The following FANCA variants were observed in gnomAD, a reference collection of about 807,000 sequenced individuals.
The protein encoded by FANCA is Fanconi anemia group A protein.
Under a neutral mutation model 194.3 loss-of-function variants are expected in FANCA, and 236 were observed. The observed-to-expected ratio is 1.21, with a 90% CI of 1.09 to 1.35. The LOEUF (loss-of-function observed/expected upper bound fraction) is 1.35, where lower values mean the gene tolerates loss of function less well. Among genes scored for constraint, FANCA ranks in the 40% most tolerant of loss-of-function variants. The probability of loss-of-function intolerance (pLI) is 0.00; values close to 1 mark genes in which losing one functional copy is unlikely to be tolerated. For missense variants in FANCA, 2,628 were observed against 1,813.9 expected (o/e 1.45, Z -8.15); for synonymous variants, 1,014 against 715.8 (o/e 1.42, Z -6.65).
chr16:89,764,944 G>C lies in FANCA; in HGVS notation c.2724C>G (p.Leu908=). 1 of 1,614,240 alleles carries C rather than the reference G, an allele frequency of 6.2e-7. No homozygotes were observed. The highest frequency in any genetic ancestry group is 8.5e-7 in the Non-Finnish European group (1 of 1,180,032). ...LPSADWQRAA[L]SLWTHRTFRE... ...GGAAGGTTCTGTGTGTCCAGAGAGA[G>C]AGGGCAGCTCTCTGCCAGTCTGCAG... Residue 908 remains leucine, a synonymous_variant, in exon 28 of 43, where the codon CTC becomes CTG. Transcript: ENST00000389301.
At chr16:89,804,173 C>T (rs1028455293) in intron 7 of FANCA, among the ~76,000 whole-genome samples, 1 of 152,144 alleles carries the variant, frequency 6.6e-6, no homozygotes, top group African/African-American at 2.4e-5. Flanking sequence ...TGCTAAGTCG[C>T]TCATGCCACC....
chr16:89,815,609 G>C (rs1329045500), intron 2 of FANCA, among the ~76,000 whole-genome samples: 1 of 152,092 alleles, frequency 6.6e-6, no homozygotes, highest in Admixed American at 6.6e-5. Flanking sequence ...ACCCGCCTTG[G>C]CCTCCCCAAA....
rs1321089557 is a variant in FANCA at position 89,773,266 on chromosome 16, C to T, written c.2014+5G>A. The T allele has an allele frequency of 5.2e-6, 8 of 1,547,706 alleles. No homozygotes were observed. Among genetic ancestry groups the T allele is most frequent in the Non-Finnish European group, 6.1e-6 (7 of 1,144,184 alleles). On this transcript the variant is annotated splice_donor_5th_base_variant and intron_variant, in intron 22 of 42. Coordinates refer to ENST00000389301, the MANE Select transcript of FANCA (RefSeq NM_000135.4). ...GACACAGCATGAGCTCCCATCCATC[C>T]TCACCATCACGCTGGCTGGGGTCTG...
At position 89,770,007 on chromosome 16, in the gene FANCA, G is replaced by A. The variant is rs1308389715; in HGVS notation, c.2334C>T (p.Ala778=). ...LLRHQGPSLS[A]PHVLGLAALA... ...GGGCAGCCAACCCCAGCACATGTGG[G>A]GCACTCAGGCTCGGGCCCTGCAACG... The change falls in exon 26 of 43, where the codon GCC becomes GCT. Residue 778 remains alanine, a synonymous_variant. Coordinates refer to ENST00000389301, the MANE Select transcript of FANCA (RefSeq NM_000135.4). 1 of 1,613,754 alleles carries A rather than the reference G, an allele frequency of 6.2e-7. No individual in the cohort carries two copies.
intron 33 of FANCA, 120 bp downstream of exon 33, chr16:89,748,539 G>A: frequency 2.4e-6 from 2 of 830,216 alleles, no homozygotes; most frequent in Non-Finnish European, 4.0e-6. Context: ...TTCCCTATTT[G>A]ACTTTGAACC....
At chr16:89,756,892 T>C (rs972260888) in intron 30 of FANCA, among the ~76,000 whole-genome samples, 2 of 152,206 alleles carry the variant, frequency 1.3e-5, no homozygotes, top group Admixed American at 6.5e-5. Flanking sequence ...GCAGGGCTTC[T>C]ATACCACAGG....
At chr16:89,807,728 C>A (rs984133730) in intron 6 of FANCA, among the ~76,000 whole-genome samples, 1 of 151,954 alleles carries the variant, frequency 6.6e-6, no homozygotes, top group African/African-American at 2.4e-5. Context: ...ACTAAAAATA[C>A]AAAAATTAGC....
intron 6 of FANCA, 73 bp from the exon 7 acceptor site, chr16:89,805,465 G>C: frequency 7.9e-7 from 1 of 1,261,210 alleles, no homozygotes; most frequent in Admixed American, 1.9e-5. Context: ...TGAGCCATAT[G>C]TCCCAATTTT....
At chr16:89,768,440 G>C (rs1046853105) in intron 26 of FANCA, among the ~76,000 whole-genome samples, 2 of 152,152 alleles carry the variant, frequency 1.3e-5, no homozygotes, top group Non-Finnish European at 2.9e-5. Context: ...CAGATCACTT[G>C]AGGTCAGGAG....
At chr16:89,758,119 A>C (rs1210777328) in intron 30 of FANCA, among the ~76,000 whole-genome samples, 1 of 152,150 alleles carries the variant, frequency 6.6e-6, no homozygotes, top group Non-Finnish European at 1.5e-5. Context: ...AGCCTCCCGA[A>C]GTGCTGGGAT....
intron 26 of FANCA, among the ~76,000 whole-genome samples, chr16:89,767,667 G>T (rs1384604531): frequency 6.6e-6 from 1 of 152,170 alleles, no homozygotes; most frequent in Non-Finnish European, 1.5e-5. Context: ...TCCTGCCTCA[G>T]TCTCCCGAGT....
intron 30 of FANCA, among the ~76,000 whole-genome samples, chr16:89,757,356 C>G (rs1387194809): frequency 6.6e-6 from 1 of 152,130 alleles, no homozygotes; most frequent in Non-Finnish European, 1.5e-5. Flanking sequence ...CAAGAAGTCA[C>G]CCACGATGGA....
At chr16:89,772,725 G>A (rs538694752) in intron 22 of FANCA, among the ~76,000 whole-genome samples, 2 of 150,140 alleles carry the variant, frequency 1.3e-5, no homozygotes, top group South Asian at 2.1e-4. Context: ...AGGCTGAGGC[G>A]GGAGAATTGC....
At chr16:89,739,708 G>C (rs2062076970) in intron 39 of FANCA, 155 bp from the exon 40 acceptor site, 1 of 1,504,784 alleles carries the variant, frequency 6.6e-7, no homozygotes, top group Admixed American at 2.0e-5. Flanking sequence ...CCAGGTACCT[G>C]TCAGCAGCTG....
chr16:89,772,449 T>G (rs2039357602), intron 22 of FANCA, among the ~76,000 whole-genome samples: 1 of 152,196 alleles, frequency 6.6e-6, no homozygotes, highest in Non-Finnish European at 1.5e-5. Flanking sequence ...GAGCTTGCAG[T>G]GAGCTGAGAT....
At chr16:89,771,617 T>C in intron 23 of FANCA, 61 bp downstream of exon 23, 9 of 1,587,246 alleles carry the variant, frequency 5.7e-6, no homozygotes, top group Non-Finnish European at 7.8e-6. Context: ...ATGCGTCTAA[T>C]GCCTCTGCCT....
At chr16:89,809,830 G>T (rs1282407764) in intron 5 of FANCA, among the ~76,000 whole-genome samples, 1 of 150,836 alleles carries the variant, frequency 6.6e-6, no homozygotes, top group African/African-American at 2.4e-5. Flanking sequence ...TCCAGCCTGG[G>T]CAACAAGAGC....
chr16:89,816,244 G>A (rs1179372008), intron 1 of FANCA: 2 of 473,880 alleles, frequency 4.2e-6, no homozygotes, highest in East Asian at 8.0e-5. Context: ...GCGCTGAGGG[G>A]AGCCCCAGGC....
Position 89,799,006 on chromosome 16 carries a change from C to G in FANCA, c.893+160G>C, listed in dbSNP as rs889985122. 61 of 1,614,062 alleles carry G rather than the reference C, an allele frequency of 3.8e-5. No individual in the cohort carries two copies. In the East Asian group the frequency reaches 1.3e-3, roughly 35 times the overall value. ...GACCAGAGCGTTCCCCGGGCTTTCCCATGGTCGCCTCCTCCTCACGCACGT... is the reference window on the plus strand; with the variant it reads ...GACCAGAGCGTTCCCCGGGCTTTCCGATGGTCGCCTCCTCCTCACGCACGT... On this transcript the variant is annotated intron_variant, in intron 10 of 42. Coordinates refer to ENST00000389301, the MANE Select transcript of FANCA (RefSeq NM_000135.4).
Sources: allele counts gnomAD v4.1 joint callset (sites outside exome capture counted in the v4.1 genomes callset), GRCh38; gene constraint gnomAD v4.1.1; transcripts MANE v1.5; gene names NCBI Gene and HGNC (gene_info 2026-07-23, HGNC 2026-07-21).